PIEZO1: variants seen among roughly 807,000 people sequenced by gnomAD.
The protein encoded by PIEZO1 is piezo-type mechanosensitive ion channel component 1.
A neutral mutation model predicts 297.2 loss-of-function variants in PIEZO1; 296 were observed. The ratio of observed to expected loss-of-function variants is 1.00; its 90% CI spans 0.91 to 1.10. The LOEUF (loss-of-function observed/expected upper bound fraction) is 1.10. Among genes scored for constraint, PIEZO1 ranks in the 50% least tolerant of loss-of-function variants. The probability of loss-of-function intolerance (pLI) is 0.00; values close to 1 mark genes in which losing one functional copy is unlikely to be tolerated. For synonymous variants in PIEZO1, 2,427 were observed against 1,507.5 expected (o/e 1.61, Z -14.13); for missense variants, 5,018 against 3,455.5 (o/e 1.45, Z -11.34).
intron 2 of PIEZO1, chr16:88,743,278 T>C (rs9927855): frequency 0.63 from 286,668 of 456,250 alleles, 92,374 homozygotes; most frequent in Non-Finnish European, 0.7. Flanking sequence ...AGCTCACCCT[T>C]CAGCAGGGGT....
intron 5 of PIEZO1, chr16:88,740,010 G>A (rs1206188497): frequency 1.4e-5 from 2 of 145,704 alleles, no homozygotes; most frequent in African/African-American, 4.9e-5. Flanking sequence ...CCGAGGGGCA[G>A]GCCCGGCCCT....
chr16:88,749,082 A>G (rs1482054625), intron 2 of PIEZO1, among the ~76,000 whole-genome samples: 2 of 148,778 alleles, frequency 1.3e-5, no homozygotes, highest in Non-Finnish European at 3.0e-5. Flanking sequence ...CTAAAAATAC[A>G]AAAAAAAATA....
rs1167139880 is a variant in PIEZO1 at position 88,736,205 on chromosome 16, G to A, written c.1500C>T (p.Ser500=). 1 of 1,549,724 alleles carries A rather than the reference G, an allele frequency of 6.5e-7. No individual in the cohort carries two copies. Among genetic ancestry groups the A allele is most frequent in the Non-Finnish European group, 8.7e-7 (1 of 1,146,710 alleles). ...TGTGCTCCAGCCCCAGCTGGCGCAG[G>A]CTGACGGGGCCCAGGGTGGTGGGCA... ...PELPTTLGPV[S]LRQLGLEHTR... is the part of the protein sequence containing the mutation. Residue 500 remains serine, a synonymous_variant, in exon 12 of 51, where the codon AGC becomes AGT. Transcript: ENST00000301015.
rs375436834 is a variant in PIEZO1 at position 88,778,272 on chromosome 16, T to C, written c.64+6629A>G. 4.6e-5 allele frequency among the ~76,000 whole-genome samples: 7 copies of C among 152,234 alleles called. No homozygotes were observed. The South Asian group carries it at 1.5e-3, about 32-fold the overall frequency. On this transcript the variant is annotated intron_variant, in intron 1 of 50. Transcript: ENST00000301015. ...TTCTTGACTCTTCCTGGGCCCATTTTAGCCGCCCATCCACAGGCAAAGGAA... is the reference window on the plus strand; with the variant it reads ...TTCTTGACTCTTCCTGGGCCCATTTCAGCCGCCCATCCACAGGCAAAGGAA...
intron 27 of PIEZO1, 53 bp downstream of exon 27, chr16:88,726,231 C>T: frequency 2.8e-6 from 4 of 1,452,908 alleles, no homozygotes; most frequent in Non-Finnish European, 3.7e-6. Flanking sequence ...CTCCCATTGC[C>T]CCCTCCCAGC....
chr16:88,737,843 C>T (rs1905345277), intron 8 of PIEZO1, 29 bp from the exon 9 acceptor site: 1 of 1,534,696 alleles, frequency 6.5e-7, no homozygotes, highest in Non-Finnish European at 8.7e-7. Flanking sequence ...TGAGCCCAAA[C>T]CAGCTCCACA....
intron 2 of PIEZO1, among the ~76,000 whole-genome samples, chr16:88,748,864 C>T (rs1007201503): frequency 5.2e-5 from 7 of 134,296 alleles, no homozygotes; most frequent in African/African-American, 2.0e-4. Context: ...ACCTGGGATG[C>T]GGAGGTTGCA....
intron 1 of PIEZO1, among the ~76,000 whole-genome samples, chr16:88,753,156 C>T (rs1906480063): frequency 1.0e-5 from 1 of 99,456 alleles, no homozygotes; most frequent in South Asian, 4.5e-4. Context: ...CAGAGCACAA[C>T]CGCCCCCCCA....
chr16:88,772,264 A>G (rs1393622143), intron 1 of PIEZO1, among the ~76,000 whole-genome samples: 1 of 152,236 alleles, frequency 6.6e-6, no homozygotes, highest in Non-Finnish European at 1.5e-5. Flanking sequence ...GCTCAGAAGG[A>G]GGGCCCAGAA....
At position 88,722,509 on chromosome 16, in the gene PIEZO1, G is replaced by A. The variant is rs536037922; in HGVS notation, c.4775+74C>T. The A allele has an allele frequency of 4.8e-5, 68 of 1,427,238 alleles. No homozygotes were observed. In the African/African-American group the frequency reaches 7.0e-4, roughly 15 times the overall value. 88.4% of individuals were successfully genotyped at this position (1,427,238 alleles called of 1,614,324 possible). A position where few individuals can be genotyped will look rare whatever the true frequency, so the allele number is the denominator to read the frequency against. On this transcript the variant is annotated intron_variant, in intron 35 of 50. Transcript: ENST00000301015. ...GTCCTTTGGGGTACAAGGGAATGGC[G>A]AGGGTCGGGGATGGCTAGGCGATGC... is the stretch of plus-strand genomic sequence containing the variant.
In PIEZO1 at chr16:88,726,471, C is replaced by T. The variant is rs555073378; in HGVS notation, c.3797-16G>A. ...ATCTCCTTGGCTGCAAGGCAGGCAC[C>T]GGCAAGGGTCAGGCCCAGGGCCCAG... On this transcript the variant is annotated splice_polypyrimidine_tract_variant and intron_variant, in intron 26 of 50. Coordinates refer to ENST00000301015, the MANE Select transcript of PIEZO1 (RefSeq NM_001142864.4). 4.4e-5 allele frequency: 68 copies of T among 1,548,542 alleles called. No homozygotes were observed. Among genetic ancestry groups the T allele is most frequent in the African/African-American group, 1.8e-4 (13 of 72,944 alleles).
intron 1 of PIEZO1, among the ~76,000 whole-genome samples, chr16:88,779,120 C>T (rs1351711939): frequency 2.0e-5 from 3 of 150,924 alleles, no homozygotes; most frequent in Non-Finnish European, 1.5e-5. Flanking sequence ...TGGCTCACTG[C>T]AACCTCTACC....
chr16:88,724,984 C>A, intron 30 of PIEZO1, 25 bp downstream of exon 30: 1 of 1,422,652 alleles, frequency 7.0e-7, no homozygotes. Context: ...GAGAGGGTGG[C>A]CACAGGCGGC....
chr16:88,717,084 A>G lies in PIEZO1; in HGVS notation c.6599T>C (p.Val2200Ala), dbSNP rs1330018256. 2.6e-6 allele frequency: 4 copies of G among 1,551,164 alleles called. No homozygotes were observed. The Admixed American group carries it at 7.8e-5, about 30-fold the overall frequency. Residue 2200 changes from valine to alanine, a missense_variant, in exon 45 of 51, where the codon GTG becomes GCG. Transcript: ENST00000301015. ...GATGGGCTGGTTGACAACCCCAACC[A>G]CGGAGCGCACCAGCGACATGAAGAG... is the stretch of plus-strand genomic sequence containing the variant. ...PLLFMSLVRS[V>A]VGVVNQPIDV...
chr16:88,774,657 T>G (rs1108141), intron 1 of PIEZO1, among the ~76,000 whole-genome samples: 29,237 of 152,080 alleles, frequency 0.19, 3,199 homozygotes, highest in Middle Eastern at 0.31. Context: ...GCTGGACCCA[T>G]GAAGAAGGGC....
chr16:88,734,307 C>G (rs1357132659), intron 16 of PIEZO1, 49 bp downstream of exon 16: 1 of 1,443,400 alleles, frequency 6.9e-7, no homozygotes, highest in Admixed American at 2.7e-5. Flanking sequence ...CCTCCCTGGC[C>G]CAGGAGGCTA....
At position 88,720,778 on chromosome 16, in the gene PIEZO1, C is replaced by G. The variant is rs375514788; in HGVS notation, c.5669-30G>C. The G allele has an allele frequency of 3.4e-6, 5 of 1,456,022 alleles. No individual in the cohort carries two copies. In the East Asian group the frequency reaches 1.3e-4, roughly 37 times the overall value. 90.2% of individuals were successfully genotyped at this position (1,456,022 alleles called of 1,614,324 possible). On this transcript the variant is annotated intron_variant, in intron 39 of 50. Transcript: ENST00000301015. Reference sequence around the variant, plus strand: ...AGGGAAAAGCTGACTTCTGCCTGGGCCCCCTGGGGACTGGGCCTGGCTCAT... The same window carrying G: ...AGGGAAAAGCTGACTTCTGCCTGGGGCCCCTGGGGACTGGGCCTGGCTCAT...
chr16:88,734,991 TG>T lies in PIEZO1; in HGVS notation c.1731del (p.Lys578SerfsTer154). 6.4e-7 allele frequency: 1 copy of T among 1,550,506 alleles called. No individual in the cohort carries two copies. Among genetic ancestry groups the T allele is most frequent in the South Asian group, 1.2e-5 (1 of 84,064 alleles). Reference sequence around the variant, plus strand: ...CCAGCACACACATAGATCCAGTACTTGGCGTACACGCCCTTCACCAGCTCCC... The same window carrying T: ...CCAGCACACACATAGATCCAGTACTTGCGTACACGCCCTTCACCAGCTCCC... Reference protein sequence around the residue: ...SLGELVKGVYAKYWIYVCAGM... With the variant: ...SLGELVKGVYXKYWIYVCAGM... On this transcript the variant is annotated frameshift_variant, in exon 14 of 51. Transcript: ENST00000301015. LOFTEE classifies it high-confidence loss of function.
At chr16:88,728,239 G>A (rs1459869180) in intron 22 of PIEZO1, among the ~76,000 whole-genome samples, 4 of 152,260 alleles carry the variant, frequency 2.6e-5, no homozygotes, top group South Asian at 2.1e-4. Flanking sequence ...GGAGGGAGCC[G>A]TGGCACTGCC....
Sources: gnomAD v4.1 joint callset for allele counts (sites outside exome capture counted in the v4.1 genomes callset) on GRCh38, gnomAD v4.1.1 for gene constraint, MANE v1.5 for transcripts, NCBI Gene and HGNC (gene_info 2026-07-23, HGNC 2026-07-21) for gene names.